Variants in SLC14A2 observed in about 807,000 individuals in gnomAD.
The protein encoded by SLC14A2 is solute carrier family 14 member 2.
Under a neutral mutation model 104.6 loss-of-function variants are expected in SLC14A2, and 91 were observed. That is an observed-to-expected ratio of 0.87 (90% CI 0.73 to 1.04). The LOEUF (loss-of-function observed/expected upper bound fraction) is 1.04, where lower values mean the gene tolerates loss of function less well. Ranked by LOEUF, SLC14A2 falls within the 50% of genes least tolerant of loss-of-function variation. SLC14A2 has a pLI of 0.00. For missense variants in SLC14A2, 1,189 were observed against 1,156.0 expected, an observed-to-expected ratio of 1.03 and a Z score of -0.41; for synonymous variants, 476 against 466.4, an observed-to-expected ratio of 1.02 and a Z score of -0.27.
intron 2 of SLC14A2, among the ~76,000 whole-genome samples, chr18:45,552,201 C>T (rs1283982681): frequency 1.3e-5 from 2 of 152,182 alleles, no homozygotes; most frequent in African/African-American, 4.8e-5. Context: ...CCCAAGAAAA[C>T]TCTCCATGCA....
At chr18:45,371,433 T>A (rs1193235145) in intron 1 of SLC14A2, among the ~76,000 whole-genome samples, 1 of 152,224 alleles carries the variant, frequency 6.6e-6, no homozygotes, top group African/African-American at 2.4e-5. Flanking sequence ...ATAGCTGATA[T>A]GTATTGAACC....
intron 11 of SLC14A2, 101 bp from the exon 12 acceptor site, chr18:45,666,036 C>T: frequency 2.5e-6 from 2 of 795,496 alleles, no homozygotes; most frequent in Non-Finnish European, 4.4e-6. Context: ...ACAGGAAATA[C>T]TGCATAATCT....
intron 2 of SLC14A2, among the ~76,000 whole-genome samples, chr18:45,504,867 A>T (rs1235620861): frequency 6.6e-6 from 1 of 152,182 alleles, no homozygotes; most frequent in Non-Finnish European, 1.5e-5. Context: ...ATTTTATTAT[A>T]ATAGCGATGA....
intron 10 of SLC14A2, among the ~76,000 whole-genome samples, chr18:45,652,897 G>A (rs1000418979): frequency 3.3e-5 from 5 of 152,052 alleles, no homozygotes; most frequent in Admixed American, 3.3e-4. Context: ...AATGGAATGT[G>A]TATGAACTTC....
intron 1 of SLC14A2, among the ~76,000 whole-genome samples, chr18:45,437,412 CTGCT>C (rs1436058191): frequency 1.3e-5 from 2 of 152,178 alleles, no homozygotes; most frequent in Admixed American, 1.3e-4. Flanking sequence ...GCTGTTTTCT[CTGCT>C]TGTGGAGAGT....
At chr18:45,334,227 T>C (rs2085316229) in intron 1 of SLC14A2, among the ~76,000 whole-genome samples, 1 of 152,214 alleles carries the variant, frequency 6.6e-6, no homozygotes, top group African/African-American at 2.4e-5. Context: ...GAAGTCTGCA[T>C]ATTAGGACCC....
intron 1 of SLC14A2, among the ~76,000 whole-genome samples, chr18:45,433,685 G>A (rs893261996): frequency 6.6e-6 from 1 of 152,094 alleles, no homozygotes; most frequent in Non-Finnish European, 1.5e-5. Context: ...GATTATTTGG[G>A]GCTACAATGA....
At chr18:45,673,549 C>T in intron 17 of SLC14A2, 134 bp from the exon 18 acceptor site, 5 of 943,594 alleles carry the variant, frequency 5.3e-6, no homozygotes, top group Non-Finnish European at 7.9e-6. Flanking sequence ...CAGAATAAAG[C>T]CAGAAGTCCT....
At chr18:45,293,033 A>G (rs1480872185) in intron 1 of SLC14A2, among the ~76,000 whole-genome samples, 3 of 152,088 alleles carry the variant, frequency 2.0e-5, no homozygotes, top group Non-Finnish European at 2.9e-5. Flanking sequence ...CATGCTTTCC[A>G]GATTCAGGTC....
At chr18:45,522,923 G>A (rs1453345382) in intron 2 of SLC14A2, among the ~76,000 whole-genome samples, 4 of 152,096 alleles carry the variant, frequency 2.6e-5, no homozygotes, top group Non-Finnish European at 5.9e-5. Context: ...GGGTTGCCAG[G>A]GGTTCCCATT....
At chr18:45,227,705 T>G (rs974470624) in intron 1 of SLC14A2, among the ~76,000 whole-genome samples, 4 of 152,110 alleles carry the variant, frequency 2.6e-5, no homozygotes, top group African/African-American at 9.7e-5. Flanking sequence ...GGATCTGGGG[T>G]TAATGTGGAG....
intron 1 of SLC14A2, among the ~76,000 whole-genome samples, chr18:45,333,698 A>G (rs376911864): frequency 6.6e-6 from 1 of 152,180 alleles, no homozygotes; most frequent in East Asian, 1.9e-4. Context: ...TATGCCACTT[A>G]TAGCCAACTA....
intron 1 of SLC14A2, among the ~76,000 whole-genome samples, chr18:45,331,774 C>A (rs1170158945): frequency 6.6e-6 from 1 of 152,132 alleles, no homozygotes; most frequent in Non-Finnish European, 1.5e-5. Flanking sequence ...CTTGAATGAT[C>A]CTTAACATTC....
At chr18:45,471,915 A>G (rs1490884746) in intron 1 of SLC14A2, among the ~76,000 whole-genome samples, 2 of 151,996 alleles carry the variant, frequency 1.3e-5, no homozygotes, top group Non-Finnish European at 2.9e-5. Context: ...TCTGGGGTAC[A>G]TGTGCAGAAT....
chr18:45,246,718 G>T (rs563419527), intron 1 of SLC14A2, among the ~76,000 whole-genome samples: 6 of 152,112 alleles, frequency 3.9e-5, no homozygotes, highest in Admixed American at 1.3e-4. Flanking sequence ...GATTACAGGT[G>T]TGTGCCGCCA....
At chr18:45,635,147 A>T (rs906970549) in intron 5 of SLC14A2, among the ~76,000 whole-genome samples, 1 of 152,220 alleles carries the variant, frequency 6.6e-6, no homozygotes, top group Non-Finnish European at 1.5e-5. Flanking sequence ...ACAAATCAAG[A>T]ATTCTGTTTG....
chr18:45,325,205 C>T (rs879603276), intron 1 of SLC14A2, among the ~76,000 whole-genome samples: 6 of 152,164 alleles, frequency 3.9e-5, no homozygotes, highest in Non-Finnish European at 7.3e-5. Context: ...TAGAAGTCAA[C>T]GGGTGAGTCT....
At chr18:45,397,485 G>C (rs2086047938) in intron 1 of SLC14A2, among the ~76,000 whole-genome samples, 1 of 152,094 alleles carries the variant, frequency 6.6e-6, no homozygotes, top group Non-Finnish European at 1.5e-5. Context: ...GTCTGTTCAT[G>C]TCCTTTGCCC....
chr18:45,304,307 G>A (rs1314355094), intron 1 of SLC14A2, among the ~76,000 whole-genome samples: 1 of 152,186 alleles, frequency 6.6e-6, no homozygotes, highest in African/African-American at 2.4e-5. Context: ...TTCCTTGTGG[G>A]TTTCTCATGG....
Sources: gnomAD v4.1 joint callset for allele counts (sites outside exome capture counted in the v4.1 genomes callset) on GRCh38, gnomAD v4.1.1 for gene constraint, MANE v1.5 for transcripts, NCBI Gene and HGNC (gene_info 2026-07-23, HGNC 2026-07-21) for gene names.